Variants in GMDS observed in about 807,000 individuals in gnomAD.
GMDS encodes GDP-mannose 4,6 dehydratase.
Under a neutral mutation model 49.9 loss-of-function variants are expected in GMDS, and 20 were observed. That is an observed-to-expected ratio of 0.40 (90% CI 0.28 to 0.58). The LOEUF (loss-of-function observed/expected upper bound fraction) is 0.58, where lower values mean the gene tolerates loss of function less well. Among genes scored for constraint, GMDS ranks in the 20% least tolerant of loss-of-function variants. GMDS has a pLI of 0.42. For synonymous variants in GMDS, 177 were observed against 178.6 expected (o/e 0.99, Z 0.07); for missense variants, 362 against 481.4 (o/e 0.75, Z 2.32).
chr6:2,228,304 A>G (rs767998677), intron 1 of GMDS, among the ~76,000 whole-genome samples: 24 of 152,148 alleles, frequency 1.6e-4, no homozygotes, highest in Admixed American at 6.5e-4. Context: ...GCTTCTCAGC[A>G]CTTCTGGGCC....
intron 1 of GMDS, among the ~76,000 whole-genome samples, chr6:2,203,583 TTA>T (rs200919365): frequency 0.014 from 2,080 of 152,338 alleles, 19 homozygotes; most frequent in Non-Finnish European, 0.021. Flanking sequence ...GATTTTTTTT[TTA>T]TGTGTCCAGA....
At chr6:1,683,460 C>T (rs1188440513) in intron 9 of GMDS, among the ~76,000 whole-genome samples, 1 of 152,146 alleles carries the variant, frequency 6.6e-6, no homozygotes, top group East Asian at 1.9e-4. Flanking sequence ...GGATATCTGC[C>T]TCAAGCCCTG....
intron 7 of GMDS, among the ~76,000 whole-genome samples, chr6:1,880,280 T>C (rs1759299491): frequency 3.8e-5 from 3 of 78,978 alleles, no homozygotes; most frequent in South Asian, 5.2e-4. Flanking sequence ...AGACCTCATT[T>C]CCACAAAAAA....
chr6:1,684,585 C>A (rs771345540), intron 9 of GMDS, among the ~76,000 whole-genome samples: 1 of 152,120 alleles, frequency 6.6e-6, no homozygotes, highest in African/African-American at 2.4e-5. Context: ...GGAAGGCCAG[C>A]ACAAAAGACA....
rs750064503 is a variant in GMDS at position 1,766,012 on chromosome 6, T to A, written c.772-23426A>T. Reference sequence around the variant, plus strand: ...AAACATGCCTGGTGCCTTTATTAACTCCTCTACTTCAGAAATCAGCTGCAA... The same window carrying A: ...AAACATGCCTGGTGCCTTTATTAACACCTCTACTTCAGAAATCAGCTGCAA... On this transcript the variant is annotated intron_variant, in intron 7 of 10. Transcript: ENST00000380815. The surrounding 1 kb of genome is among the most constrained non-coding windows in gnomAD (Gnocchi z 4.5). 1.3e-5 allele frequency among the ~76,000 whole-genome samples: 2 copies of A among 152,126 alleles called. No individual in the cohort carries two copies. Among genetic ancestry groups the A allele is most frequent in the African/African-American group, 2.4e-5 (1 of 41,418 alleles).
At chr6:1,672,803 T>G (rs966743373) in intron 9 of GMDS, among the ~76,000 whole-genome samples, 4 of 152,242 alleles carry the variant, frequency 2.6e-5, no homozygotes, top group African/African-American at 9.6e-5. Context: ...GTGCTCTGTC[T>G]GACGCTGCAT....
At chr6:2,032,045 C>G (rs1475284469) in intron 4 of GMDS, among the ~76,000 whole-genome samples, 1 of 152,108 alleles carries the variant, frequency 6.6e-6, no homozygotes, top group Non-Finnish European at 1.5e-5. Flanking sequence ...AAAATGGGCA[C>G]ACACAAAGAT....
At position 1,793,782 on chromosome 6, in the gene GMDS, T is replaced by C. The variant is rs114740887; in HGVS notation, c.772-51196A>G. Among the ~76,000 whole-genome samples, 640 of 152,348 alleles carry C rather than the reference T, an allele frequency of 4.2e-3. 2 individuals are homozygous for C. Among genetic ancestry groups the C allele is most frequent in the African/African-American group, 0.015 (614 of 41,580 alleles). On this transcript the variant is annotated intron_variant, in intron 7 of 10. Transcript: ENST00000380815. ...CTTAGTATTCCTGGAGAAACACAAA[T>C]TCCCTGCCAGTGTATCTCACATCTC...
chr6:1,951,997 T>C, intron 6 of GMDS: 1 of 979,854 alleles, frequency 1.0e-6, no homozygotes. Flanking sequence ...AAAATTCGTA[T>C]ATATGTTATT....
chr6:1,730,181 T>C (rs1766737410), intron 8 of GMDS, among the ~76,000 whole-genome samples: 1 of 152,210 alleles, frequency 6.6e-6, no homozygotes, highest in African/African-American at 2.4e-5. Flanking sequence ...GTCAGTGCCA[T>C]AAGGCAGGCC....
chr6:1,662,246 G>A (rs1309022200), intron 9 of GMDS, among the ~76,000 whole-genome samples: 1 of 152,170 alleles, frequency 6.6e-6, no homozygotes, highest in Non-Finnish European at 1.5e-5. Flanking sequence ...AACTGAGGTG[G>A]CAATGGTGAG....
Position 1,960,836 on chromosome 6 carries a change from T to C in GMDS, c.476A>G (p.Tyr159Cys). The change falls in exon 5 of 11, where the codon TAT (tyrosine) becomes TGT (cysteine). Residue 159 changes from tyrosine to cysteine, a missense_variant. Physicochemically the swap from Tyr to Cys is radical, Grantham distance 194 (BLOSUM62 -2). Coordinates refer to ENST00000380815, the MANE Select transcript of GMDS (RefSeq NM_001500.4). The part of the protein sequence containing the change: ...KFYQASTSEL[Y>C]GKVQEIPQKE... ...CTGGGGTATTTCCTGCACTTTCCCA[T>C]AAAGTTCACTTGTTGAGGCTTGGTA... 3 of 1,611,902 alleles carry C rather than the reference T, an allele frequency of 1.9e-6. No homozygotes were observed. Among genetic ancestry groups the C allele is most frequent in the Non-Finnish European group, 2.5e-6 (3 of 1,178,288 alleles).
chr6:2,009,524 T>C (rs1251733609), intron 4 of GMDS, among the ~76,000 whole-genome samples: 2 of 152,262 alleles, frequency 1.3e-5, no homozygotes, highest in East Asian at 1.9e-4. Flanking sequence ...CACAAAGATA[T>C]GCTTTTTAAA....
intron 7 of GMDS, among the ~76,000 whole-genome samples, chr6:1,804,974 C>T (rs1277664154): frequency 6.6e-6 from 1 of 152,138 alleles, no homozygotes; most frequent in African/African-American, 2.4e-5. Context: ...TGTAGCCAAC[C>T]TTCTAAAGAA....
At chr6:1,626,336 C>G (rs1457539121) in intron 9 of GMDS, 1 of 152,184 alleles carries the variant, frequency 6.6e-6, no homozygotes, top group African/African-American at 2.4e-5. Context: ...TTCTGCTGGC[C>G]CTAAAAGTCC....
chr6:1,650,701 G>A (rs959675707), intron 9 of GMDS, among the ~76,000 whole-genome samples: 3 of 152,018 alleles, frequency 2.0e-5, no homozygotes, highest in Non-Finnish European at 1.5e-5. Context: ...TCAGCCTCTC[G>A]AGTAGCTGGA....
chr6:1,860,674 G>A (rs1267450760), intron 7 of GMDS, among the ~76,000 whole-genome samples: 1 of 152,014 alleles, frequency 6.6e-6, no homozygotes, highest in Non-Finnish European at 1.5e-5. Flanking sequence ...TATATGTCTG[G>A]TGTCCAAAAA....
At chr6:2,085,366 G>A (rs1010807605) in intron 4 of GMDS, among the ~76,000 whole-genome samples, 2 of 151,730 alleles carry the variant, frequency 1.3e-5, no homozygotes, top group African/African-American at 2.4e-5. Context: ...TAAAAAAATC[G>A]GGTTTCTTTT....
intron 1 of GMDS, among the ~76,000 whole-genome samples, chr6:2,203,350 G>A (rs1225973545): frequency 2.0e-5 from 3 of 152,022 alleles, no homozygotes; most frequent in Non-Finnish European, 2.9e-5. Flanking sequence ...AAAATAATAC[G>A]GCCTTCCCTG....
Sources: gnomAD v4.1 joint callset for allele counts (sites outside exome capture counted in the v4.1 genomes callset) on GRCh38, gnomAD v4.1.1 for gene constraint, Gnocchi (gnomAD v3.1) non-coding constraint, MANE v1.5 for transcripts, NCBI Gene and HGNC (gene_info 2026-07-23, HGNC 2026-07-21) for gene names.